Variants in OPCML observed in about 807,000 individuals in gnomAD.
OPCML encodes opioid-binding protein/cell adhesion molecule.
A neutral mutation model predicts 37.8 loss-of-function variants in OPCML; 13 were observed. That is an observed-to-expected ratio of 0.34 (90% CI 0.22 to 0.55). OPCML has a LOEUF of 0.55. Among genes scored for constraint, OPCML ranks in the 20% least tolerant of loss-of-function variants. The pLI, the probability that OPCML is intolerant of heterozygous loss-of-function variation, is 0.91. For synonymous variants in OPCML, 176 were observed against 168.8 expected, an observed-to-expected ratio of 1.04 and a Z score of -0.33; for missense variants, 341 against 435.6, an observed-to-expected ratio of 0.78 and a Z score of 1.93.
chr11:133,031,040 AAG>A (rs1947658060), intron 1 of OPCML, among the ~76,000 whole-genome samples: 2 of 152,334 alleles, frequency 1.3e-5, no homozygotes, highest in African/African-American at 4.8e-5. Context: ...CCAGAGAAAA[AAG>A]GTATCACAAC....
intron 4 of OPCML, among the ~76,000 whole-genome samples, chr11:132,464,742 T>C (rs1304036632): frequency 6.6e-6 from 1 of 152,156 alleles, no homozygotes; most frequent in Non-Finnish European, 1.5e-5. Context: ...ACATATGACT[T>C]GGGATCTGCA....
intron 7 of OPCML, among the ~76,000 whole-genome samples, chr11:132,431,597 C>A (rs1031041516): frequency 1.3e-5 from 2 of 152,228 alleles, no homozygotes; most frequent in African/African-American, 4.8e-5. Context: ...CTTGGACGAT[C>A]ACCTACCATG....
chr11:132,514,668 C>T (rs1565628284), intron 4 of OPCML, among the ~76,000 whole-genome samples: 2 of 152,094 alleles, frequency 1.3e-5, no homozygotes, highest in Admixed American at 6.6e-5. Context: ...TGCCAAACTG[C>T]CTTTGTTCCA....
intron 1 of OPCML, among the ~76,000 whole-genome samples, chr11:133,170,480 C>T (rs1394909633): frequency 4.0e-5 from 6 of 151,132 alleles, no homozygotes; most frequent in East Asian, 1.9e-4. Context: ...AGCGAGACTC[C>T]GTCACAAACA....
chr11:132,464,355 A>G (rs985924401), intron 4 of OPCML, among the ~76,000 whole-genome samples: 1 of 152,064 alleles, frequency 6.6e-6, no homozygotes, highest in African/African-American at 2.4e-5. Context: ...GTGACATTAT[A>G]CTGTATATGT....
intron 1 of OPCML, among the ~76,000 whole-genome samples, chr11:133,435,256 T>A (rs548237766): frequency 6.6e-6 from 1 of 152,176 alleles, no homozygotes; most frequent in Admixed American, 6.5e-5. Flanking sequence ...CGCTTGCAAA[T>A]GTCAAGGATT....
chr11:132,430,986 C>G (rs1406852002), intron 7 of OPCML, among the ~76,000 whole-genome samples: 1 of 152,186 alleles, frequency 6.6e-6, no homozygotes, highest in Non-Finnish European at 1.5e-5. Context: ...TGAGTCACCT[C>G]CACAAGGGAC....
chr11:133,012,888 G>GA (rs955418381), intron 1 of OPCML, among the ~76,000 whole-genome samples: 9 of 131,150 alleles, frequency 6.9e-5, no homozygotes, highest in Non-Finnish European at 1.3e-4. Context: ...AAAAAAAAAA[G>GA]AAAAAAATCA....
intron 1 of OPCML, among the ~76,000 whole-genome samples, chr11:133,392,734 C>T (rs911123660): frequency 1.3e-5 from 2 of 152,206 alleles, no homozygotes; most frequent in African/African-American, 4.8e-5. Context: ...ATGTATCATT[C>T]GTTACAGGTT....
intron 2 of OPCML, among the ~76,000 whole-genome samples, chr11:132,801,307 T>C (rs1938635653): frequency 1.3e-5 from 2 of 152,214 alleles, no homozygotes; most frequent in African/African-American, 4.8e-5. Context: ...CTTGTCAATT[T>C]TGTTGATATT....
intron 1 of OPCML, chr11:133,006,757 C>T (rs1469287769): frequency 1.2e-5 from 12 of 985,336 alleles, no homozygotes; most frequent in Non-Finnish European, 1.4e-5. Flanking sequence ...TAGACATTGG[C>T]CTGACAACGC....
chr11:132,610,600 G>C (rs140304218), intron 3 of OPCML, among the ~76,000 whole-genome samples: 1 of 152,162 alleles, frequency 6.6e-6, no homozygotes, highest in Admixed American at 6.5e-5. Flanking sequence ...ACTGGCGCTC[G>C]GAACTAGGGG....
chr11:133,307,797 G>T (rs1050337066), intron 1 of OPCML, among the ~76,000 whole-genome samples: 3 of 151,944 alleles, frequency 2.0e-5, no homozygotes, highest in Non-Finnish European at 2.9e-5. Flanking sequence ...AAAAGTGCTT[G>T]ATCCATGGTA....
At chr11:133,259,067 G>A (rs1448703914) in intron 1 of OPCML, among the ~76,000 whole-genome samples, 1 of 152,200 alleles carries the variant, frequency 6.6e-6, no homozygotes, top group Non-Finnish European at 1.5e-5. Context: ...GACTTTGAAA[G>A]TTAGAGTGGA....
intron 1 of OPCML, among the ~76,000 whole-genome samples, chr11:133,249,236 G>A (rs1941048172): frequency 6.6e-6 from 1 of 152,154 alleles, no homozygotes; most frequent in Non-Finnish European, 1.5e-5. Flanking sequence ...GGGCTTAAGG[G>A]AGCTTCCACT....
At position 132,805,501 on chromosome 11, in the gene OPCML, A is replaced by G. The variant is rs145445892; in HGVS notation, c.146+137425T>C. 6.1e-4 allele frequency among the ~76,000 whole-genome samples: 93 copies of G among 152,354 alleles called. No individual in the cohort carries two copies. In the South Asian group the frequency reaches 0.012, roughly 20 times the overall value. On this transcript the variant is annotated intron_variant, in intron 2 of 7. Transcript: ENST00000524381. ...TATAAAGAGAACCACACCTAGGCAC[A>G]TCATAATCTAACTGTTGAAAACCAA...
intron 1 of OPCML, among the ~76,000 whole-genome samples, chr11:133,227,136 C>T (rs1940075225): frequency 6.6e-6 from 1 of 152,188 alleles, no homozygotes; most frequent in Admixed American, 6.5e-5. Context: ...GTGCTGCTGC[C>T]TCAGCTGAGT....
At chr11:132,433,822 T>C (rs942474897) in intron 7 of OPCML, among the ~76,000 whole-genome samples, 4 of 152,332 alleles carry the variant, frequency 2.6e-5, no homozygotes, top group African/African-American at 9.6e-5. Flanking sequence ...CTGCAAGCCA[T>C]GAGGTGAGCC....
intron 2 of OPCML, among the ~76,000 whole-genome samples, chr11:132,747,182 A>C (rs1461301344): frequency 6.6e-6 from 1 of 152,238 alleles, no homozygotes; most frequent in Non-Finnish European, 1.5e-5. Flanking sequence ...AAGGACTATT[A>C]GCAACCAAAG....
Sources: allele counts gnomAD v4.1 joint callset (sites outside exome capture counted in the v4.1 genomes callset), GRCh38; gene constraint gnomAD v4.1.1; transcripts MANE v1.5; gene names NCBI Gene and HGNC (gene_info 2026-07-23, HGNC 2026-07-21).